Variants in PRAMEF2 observed in about 807,000 individuals in gnomAD.
The protein encoded by PRAMEF2 is PRAME family member 2.
PRAMEF2 carries 35 observed loss-of-function variants against 38.0 expected under a neutral mutation model. The observed-to-expected ratio is 0.92, with a 90% CI of 0.70 to 1.22. The LOEUF is 1.22. Ranked by LOEUF, PRAMEF2 falls within the 50% of genes most tolerant of loss-of-function variation. The pLI, the probability that PRAMEF2 is intolerant of heterozygous loss-of-function variation, is 0.00. For missense variants in PRAMEF2, 562 were observed against 553.9 expected (o/e 1.01, Z -0.15); for synonymous variants, 240 against 232.4 (o/e 1.03, Z -0.30).
chr1:12,857,952 G>C (rs1254970772), intron 1 of PRAMEF2, among the ~76,000 whole-genome samples: 1 of 146,064 alleles, frequency 6.8e-6, no homozygotes, highest in Non-Finnish European at 1.5e-5. Context: ...GCCCCCCTCA[G>C]ACTCCCAAAG....
rs1377918406 is a variant in PRAMEF2 at position 12,857,802 on chromosome 1, G to A, written c.-26+655G>A. Among the ~76,000 whole-genome samples the A allele has an allele frequency of 8.3e-5, 12 of 145,090 alleles. No individual in the cohort carries two copies. In the East Asian group the frequency reaches 9.8e-4, roughly 12 times the overall value. On this transcript the variant is annotated intron_variant, in intron 1 of 3. Coordinates refer to ENST00000240189, the MANE Select transcript of PRAMEF2 (RefSeq NM_023014.1). ...AAATTTCTGCCTCCTAGTTACATGT[G>A]ATTCTCCTGCTTCAGCCTCCTGAGT...
Position 12,859,964 on chromosome 1 carries a change from A to G in PRAMEF2, c.559A>G (p.Asn187Asp). Residue 187 changes from asparagine to aspartate, a missense_variant, in exon 3 of 4, where the codon AAT becomes GAT. By Grantham distance (23) the Asn-to-Asp change is conservative. Around this residue, in one of 2 missense-constraint regions of PRAMEF2, gnomAD observed 486 missense variants for 444.2 expected, o/e 1.09. Coordinates refer to ENST00000240189, the MANE Select transcript of PRAMEF2 (RefSeq NM_023014.1). ...ACACCTGTGCTGTAGTAAGCTGGTC[A>G]ATTATCTAACGCCAATTAAATATCT... ...LVHLCCSKLVNYLTPIKYLRK... is the reference protein window; with the variant it reads ...LVHLCCSKLVDYLTPIKYLRK... The G allele has an allele frequency of 2.5e-6, 4 of 1,608,088 alleles. No homozygotes were observed. The highest frequency in any genetic ancestry group is 3.4e-6 in the Non-Finnish European group (4 of 1,177,012).
rs377222242 is a variant in PRAMEF2 at position 12,860,166 on chromosome 1, G to A, written c.761G>A (p.Trp254Ter). The change falls in exon 3 of 4, where the codon TGG becomes TAG. Residue 254 changes from tryptophan (W) to a stop codon, truncating the protein, a stop_gained. Coordinates refer to ENST00000240189, the MANE Select transcript of PRAMEF2 (RefSeq NM_023014.1). LOFTEE classifies it high-confidence loss of function. Reference sequence around the variant, plus strand: ...ACGTCAGATAATGAACTCGAGGGATGGTTAGTCACCAGATTCACCTCTGTG... The same window carrying A: ...ACGTCAGATAATGAACTCGAGGGATAGTTAGTCACCAGATTCACCTCTGTG... ...HYTSDNELEG[W>*]LVTRFTSVFL... 1.2e-6 allele frequency: 2 copies of A among 1,606,726 alleles called. No homozygotes were observed. The highest frequency in any genetic ancestry group is 2.7e-5 in the African/African-American group (2 of 74,272).
At position 12,861,302 on chromosome 1, in the gene PRAMEF2, C is replaced by T. The variant is rs766941559; in HGVS notation, c.948C>T (p.Phe316=). The T allele has an allele frequency of 1.2e-6, 2 of 1,607,210 alleles. No homozygotes were observed. The highest frequency in any genetic ancestry group is 1.7e-5 in the Admixed American group (1 of 58,176). The change falls in exon 4 of 4, where the codon TTC becomes TTT. Residue 316 remains phenylalanine, a synonymous_variant. Coordinates refer to ENST00000240189, the MANE Select transcript of PRAMEF2 (RefSeq NM_023014.1). The part of the protein sequence containing the change: ...LEEDLKCLSQ[F]PSLGYLKHLN... Reference sequence around the variant, plus strand: ...AGGACTTGAAGTGTCTCTCCCAGTTCCCAAGCCTCGGTTACCTAAAGCATC... The same window carrying T: ...AGGACTTGAAGTGTCTCTCCCAGTTTCCAAGCCTCGGTTACCTAAAGCATC...
intron 1 of PRAMEF2, among the ~76,000 whole-genome samples, chr1:12,858,708 G>T (rs1640485290): frequency 6.7e-6 from 1 of 149,662 alleles, no homozygotes; most frequent in South Asian, 2.1e-4. Context: ...AGGATCCTCA[G>T]TGGCACTGTC....
intron 1 of PRAMEF2, 101 bp downstream of exon 1, chr1:12,857,248 T>C (rs956209304): frequency 2.0e-5 from 3 of 149,002 alleles, no homozygotes; most frequent in Non-Finnish European, 3.0e-5. Flanking sequence ...TTTTTCTGTC[T>C]GTTTTGTGAG....
Position 12,859,690 on chromosome 1 carries a change from C to G in PRAMEF2, c.288-3C>G. The G allele has an allele frequency of 1.9e-6, 3 of 1,606,392 alleles. No individual in the cohort carries two copies. The highest frequency in any genetic ancestry group is 2.2e-5 in the South Asian group (2 of 90,810). On this transcript the variant is annotated splice_polypyrimidine_tract_variant and splice_region_variant and intron_variant, in intron 2 of 3. Transcript: ENST00000240189. Reference sequence around the variant, plus strand: ...CTGAGCCTCTCCCTTACTTTACCCACAGGAGGTGGAAACTTCAAGTGCTGG... The same window carrying G: ...CTGAGCCTCTCCCTTACTTTACCCAGAGGAGGTGGAAACTTCAAGTGCTGG...
In PRAMEF2 at chr1:12,858,990, T is replaced by G. The variant is rs1250599974; in HGVS notation, c.-20T>G. 5.0e-6 allele frequency: 8 copies of G among 1,596,442 alleles called. 1 individual carries two copies. Among genetic ancestry groups the G allele is most frequent in the Non-Finnish European group, 6.0e-6 (7 of 1,173,842 alleles). On this transcript the variant is annotated 5_prime_UTR_variant, in exon 2 of 4. Transcript: ENST00000240189. ...TCCCTGGATTTGTCTTCTAGAGATT[T>G]TTCTTGCAGATCCATCAGGATGAGC... is the stretch of plus-strand genomic sequence containing the variant.
In PRAMEF2 at chr1:12,858,265, G is replaced by C. The variant is rs187729229; in HGVS notation, c.-25-720G>C. Among the ~76,000 whole-genome samples the C allele has an allele frequency of 6.0e-5, 9 of 149,890 alleles. 1 individual carries two copies. The highest frequency in any genetic ancestry group is 1.2e-4 in the Non-Finnish European group (8 of 67,504). ...TTTAAATTAATTAATTTATCAATTT[G>C]TTTATTTTTGAGTCAGAGTCCAACG... On this transcript the variant is annotated intron_variant, in intron 1 of 3. Transcript: ENST00000240189.
Position 12,861,559 on chromosome 1 carries a change from G to T in PRAMEF2, c.1205G>T (p.Ser402Ile). Reference protein sequence around the residue: ...DALKDLLRHTSGLSKLSLETY... With the variant: ...DALKDLLRHTIGLSKLSLETY... ...CTGAAGGACCTGCTGCGCCACACCA[G>T]TGGGCTGAGCAAGTTAAGCCTGGAG... Residue 402 changes from serine to isoleucine, a missense_variant, in exon 4 of 4, where the codon AGT (serine) becomes ATT (isoleucine). Around this residue, in one of 2 missense-constraint regions of PRAMEF2, gnomAD observed 76 missense variants for 109.6 expected, o/e 0.69. Transcript: ENST00000240189. 6.2e-7 allele frequency: 1 copy of T among 1,605,320 alleles called. No individual in the cohort carries two copies. The highest frequency in any genetic ancestry group is 1.1e-5 in the South Asian group (1 of 90,632).
intron 1 of PRAMEF2, among the ~76,000 whole-genome samples, chr1:12,858,289 C>T (rs980355927): frequency 2.0e-5 from 3 of 149,718 alleles, no homozygotes; most frequent in Admixed American, 6.9e-5. Flanking sequence ...CAGAGTCCAA[C>T]GCTGTCACCC....
In PRAMEF2 at chr1:12,859,163, C is replaced by G. The variant is rs757432727; in HGVS notation, c.154C>G (p.Leu52Val). Residue 52 changes from leucine (L) to valine (V), a missense_variant, in exon 2 of 4, where the codon CTG (leucine) becomes GTG (valine). Leu to Val is a conservative substitution (Grantham distance 32). Transcript: ENST00000240189. ...CTTCAGCAGGAGACACTTCCAGACT[C>G]TGACGGTGATGGTGCAGGCCTGGCC... ...EAFSRRHFQT[L>V]TVMVQAWPFT... The G allele has an allele frequency of 4.4e-6, 7 of 1,608,342 alleles. No homozygotes were observed. The highest frequency in any genetic ancestry group is 2.2e-5 in the East Asian group (1 of 44,770).
chr1:12,859,187 C>A lies in PRAMEF2; in HGVS notation c.178C>A (p.Pro60Thr), dbSNP rs1159154346. The A allele has an allele frequency of 6.2e-7, 1 of 1,609,444 alleles. No homozygotes were observed. Among genetic ancestry groups the A allele is most frequent in the East Asian group, 2.2e-5 (1 of 44,808 alleles). ...QTLTVMVQAW[P>T]FTCLPLVSLM... ...TCTGACGGTGATGGTGCAGGCCTGG[C>A]CTTTCACCTGCCTCCCTCTGGTATC... The change falls in exon 2 of 4, where the codon CCT becomes ACT. Residue 60 changes from proline (P) to threonine (T), a missense_variant. Around this residue, in one of 2 missense-constraint regions of PRAMEF2, gnomAD observed 486 missense variants for 444.2 expected, o/e 1.09. Transcript: ENST00000240189.
In PRAMEF2 at chr1:12,860,260, A is replaced by C; in HGVS notation, c.855A>C (p.Glu285Asp). ...TCACCTTCTTCAGTGGGCACCTGGA[A>C]CAGCTGATCAGGTGAGAAAGGATTG... ...KLITFFSGHL[E>D]QLIRCLQNPL... The change falls in exon 3 of 4, where the codon GAA becomes GAC. Residue 285 changes from glutamate to aspartate, a missense_variant. Physicochemically the swap from Glu to Asp is conservative, Grantham distance 45 (BLOSUM62 2). Transcript: ENST00000240189. 6.2e-7 allele frequency: 1 copy of C among 1,606,852 alleles called. No individual in the cohort carries two copies. The highest frequency in any genetic ancestry group is 8.5e-7 in the Non-Finnish European group (1 of 1,176,594).
In PRAMEF2 at chr1:12,859,052, C is replaced by G. The variant is rs781505491; in HGVS notation, c.43C>G (p.Gln15Glu). Residue 15 changes from glutamine (Q) to glutamate (E), a missense_variant, in exon 2 of 4, where the codon CAG becomes GAG. By Grantham distance (29) the Gln-to-Glu change is conservative. This residue lies in a region of PRAMEF2 where 486 missense variants were observed against 444.2 expected (regional missense o/e 1.09). Transcript: ENST00000240189. ...ACCGAGACTACTGGAGCTGGCGGGG[C>G]AGAGCCTGCTGAGAGACCAGGCCTT... ...APPRLLELAG[Q>E]SLLRDQALSI... 8 of 1,603,276 alleles carry G rather than the reference C, an allele frequency of 5.0e-6. 1 individual carries two copies. In the South Asian group the frequency reaches 7.8e-5, roughly 16 times the overall value.
rs761065780 is a variant in PRAMEF2, at chr1:12,859,313, G to A, written c.287+17G>A. 12 of 1,608,290 alleles carry A rather than the reference G, an allele frequency of 7.5e-6. No individual in the cohort carries two copies. The East Asian group carries it at 2.5e-4, about 33-fold the overall frequency. Reference sequence around the variant, plus strand: ...TCGCCCCAGGTGAGGTGACCCAGGAGGGCTAGTAGATAGGGCTCAGGTGTC... The same window carrying A: ...TCGCCCCAGGTGAGGTGACCCAGGAAGGCTAGTAGATAGGGCTCAGGTGTC... On this transcript the variant is annotated intron_variant, in intron 2 of 3. Coordinates refer to ENST00000240189, the MANE Select transcript of PRAMEF2 (RefSeq NM_023014.1).
Position 12,861,439 on chromosome 1 carries a change from A to G in PRAMEF2, c.1085A>G (p.His362Arg). The G allele has an allele frequency of 1.9e-6, 3 of 1,603,578 alleles. No homozygotes were observed. The highest frequency in any genetic ancestry group is 2.6e-6 in the Non-Finnish European group (3 of 1,175,816). The change falls in exon 4 of 4, where the codon CAC becomes CGC. Residue 362 changes from histidine (H) to arginine (R), a missense_variant. Transcript: ENST00000240189. ...CTCGTGTTAGAGGGCTGTCAGATCC[A>G]CTACTCCCAACTCAGTGCCATCCTG... ...ETLVLEGCQI[H>R]YSQLSAILPG...
In PRAMEF2 at chr1:12,861,308, C is replaced by G. The variant is rs1445001726; in HGVS notation, c.954C>G (p.Ser318Arg). 3.1e-6 allele frequency: 5 copies of G among 1,607,032 alleles called. 1 individual carries two copies. Among genetic ancestry groups the G allele is most frequent in the Non-Finnish European group, 4.2e-6 (5 of 1,176,728 alleles). ...TGAAGTGTCTCTCCCAGTTCCCAAGCCTCGGTTACCTAAAGCATCTGAATC... is the reference window on the plus strand; with the variant it reads ...TGAAGTGTCTCTCCCAGTTCCCAAGGCTCGGTTACCTAAAGCATCTGAATC... ...EDLKCLSQFP[S>R]LGYLKHLNLS... Residue 318 changes from serine (S) to arginine (R), a missense_variant, in exon 4 of 4, where the codon AGC becomes AGG. Physicochemically the swap from Ser to Arg is moderately radical, Grantham distance 110 (BLOSUM62 -1). Coordinates refer to ENST00000240189, the MANE Select transcript of PRAMEF2 (RefSeq NM_023014.1).
At chr1:12,860,608 G>A (rs917103641) in intron 3 of PRAMEF2, among the ~76,000 whole-genome samples, 41 of 150,028 alleles carry the variant, frequency 2.7e-4, no homozygotes, top group Middle Eastern at 3.2e-3. Flanking sequence ...AGAGATAATA[G>A]AGGAGGGTAT....
Sources: allele counts gnomAD v4.1 joint callset (sites outside exome capture counted in the v4.1 genomes callset), GRCh38; gene constraint gnomAD v4.1.1; regional missense constraint gnomAD v4.1.1; transcripts MANE v1.5; gene names NCBI Gene and HGNC (gene_info 2026-07-23, HGNC 2026-07-21).